PPCDC: variants seen among roughly 807,000 people sequenced by gnomAD.
PPCDC encodes the protein phosphopantothenoylcysteine decarboxylase.
PPCDC carries 20 observed loss-of-function variants against 20.7 expected under a neutral mutation model. That is an observed-to-expected ratio of 0.97 (90% CI 0.68 to 1.41). PPCDC has a LOEUF of 1.41. Among genes scored for constraint, PPCDC ranks in the 40% most tolerant of loss-of-function variants. PPCDC has a pLI of 0.00. For missense variants in PPCDC, 246 were observed against 263.8 expected, an observed-to-expected ratio of 0.93 and a Z score of 0.47; for synonymous variants, 88 against 100.3, an observed-to-expected ratio of 0.88 and a Z score of 0.73.
intron 4 of PPCDC, among the ~76,000 whole-genome samples, chr15:75,045,913 A>C (rs993902611): frequency 9.2e-5 from 14 of 151,824 alleles, no homozygotes; most frequent in Non-Finnish European, 1.9e-4. Flanking sequence ...CTAGTTAAAA[A>C]AAAAAAAAGG....
At chr15:75,028,158 C>T (rs2065979056) in intron 1 of PPCDC, 89 bp from the exon 2 acceptor site, 5 of 957,124 alleles carry the variant, frequency 5.2e-6, no homozygotes, top group East Asian at 5.3e-5. Flanking sequence ...TCCGCTGCCT[C>T]AGCCTCTGGC....
chr15:75,043,348 C>A (rs2066177529), intron 2 of PPCDC, 93 bp from the exon 3 acceptor site: 4 of 1,070,416 alleles, frequency 3.7e-6, no homozygotes, highest in Non-Finnish European at 5.5e-6. Context: ...AAGACAGCAC[C>A]TGCCTGCCCT....
In PPCDC at chr15:75,033,423, G is replaced by T. The variant is rs74023913; in HGVS notation, c.135+4970G>T. Reference sequence around the variant, plus strand: ...GGAGGTGGTTACCCTTGTGAAGGGGGACCAGTGGAGGAAGGGAAACTTGCA... The same window carrying T: ...GGAGGTGGTTACCCTTGTGAAGGGGTACCAGTGGAGGAAGGGAAACTTGCA... On this transcript the variant is annotated intron_variant, in intron 2 of 5. Coordinates refer to ENST00000342932, the MANE Select transcript of PPCDC (RefSeq NM_021823.5). Among the ~76,000 whole-genome samples the T allele has an allele frequency of 0.017, 2,635 of 152,304 alleles. 137 individuals carry two copies. The East Asian group carries it at 0.21, about 12-fold the overall frequency.
At chr15:75,034,539 C>T (rs1045907298) in intron 2 of PPCDC, among the ~76,000 whole-genome samples, 8 of 152,192 alleles carry the variant, frequency 5.3e-5, no homozygotes, top group Non-Finnish European at 1.0e-4. Context: ...ACAGCTCCCG[C>T]GCCTCATGTG....
At chr15:75,025,091 A>C (rs767860762) in intron 1 of PPCDC, among the ~76,000 whole-genome samples, 1 of 151,606 alleles carries the variant, frequency 6.6e-6, no homozygotes, top group Non-Finnish European at 1.5e-5. Context: ...CTAACTTTTA[A>C]ATTTTTTGTA....
At chr15:75,030,000 G>C (rs547226738) in intron 2 of PPCDC, among the ~76,000 whole-genome samples, 1 of 152,254 alleles carries the variant, frequency 6.6e-6, no homozygotes, top group Non-Finnish European at 1.5e-5. Context: ...AGGGTTGCCT[G>C]GAGCAGGGAG....
At chr15:75,036,841 AT>A (rs113883394) in intron 2 of PPCDC, among the ~76,000 whole-genome samples, 43 of 149,298 alleles carry the variant, frequency 2.9e-4, no homozygotes, top group African/African-American at 9.1e-4. Context: ...TTGATTGATT[AT>A]TTTTTTTTTG....
chr15:75,030,831 A>T (rs1461367386), intron 2 of PPCDC, among the ~76,000 whole-genome samples: 1 of 152,164 alleles, frequency 6.6e-6, no homozygotes, highest in East Asian at 1.9e-4. Context: ...GATCTGGCCC[A>T]TCACTGTTCC....
Position 75,048,678 on chromosome 15 carries a change from C to T in PPCDC, c.486C>T (p.Val162=), listed in dbSNP as rs565244134. 9 of 1,614,208 alleles carry T rather than the reference C, an allele frequency of 5.6e-6. No homozygotes were observed. The highest frequency in any genetic ancestry group is 5.3e-5 in the African/African-American group (4 of 75,064). Residue 162 remains valine, a synonymous_variant, in exon 5 of 6, where the codon GTC becomes GTT. Coordinates refer to ENST00000342932, the MANE Select transcript of PPCDC (RefSeq NM_021823.5). ...QVDQLKAFGY[V]EIPCVAKKLV... is the part of the protein sequence containing the mutation. ...ACCAGCTCAAGGCCTTTGGCTATGT[C>T]GAGATCCCCTGTGTGGCCAAGAAGC...
Position 75,048,664 on chromosome 15 carries a change from G to T in PPCDC, c.472G>T (p.Ala158Ser). 6.2e-7 allele frequency: 1 copy of T among 1,614,236 alleles called. No homozygotes were observed. The change falls in exon 5 of 6, where the codon GCC becomes TCC. Residue 158 changes from alanine to serine, a missense_variant. This residue lies in a region of PPCDC where 225 missense variants were observed against 222.6 expected (regional missense o/e 1.01). Coordinates refer to ENST00000342932, the MANE Select transcript of PPCDC (RefSeq NM_021823.5). ...AGCGCAGCAGGTAGACCAGCTCAAG[G>T]CCTTTGGCTATGTCGAGATCCCCTG... ...ITAQQVDQLKAFGYVEIPCVA... is the reference protein window; with the variant it reads ...ITAQQVDQLKSFGYVEIPCVA...
At chr15:75,040,706 C>T (rs760783470) in intron 2 of PPCDC, among the ~76,000 whole-genome samples, 1 of 152,184 alleles carries the variant, frequency 6.6e-6, no homozygotes, top group African/African-American at 2.4e-5. Flanking sequence ...TTCACCCAGG[C>T]TGGAGTGCAG....
intron 1 of PPCDC, among the ~76,000 whole-genome samples, chr15:75,026,272 AG>A (rs1475790182): frequency 6.6e-6 from 1 of 152,196 alleles, no homozygotes; most frequent in Non-Finnish European, 1.5e-5. Flanking sequence ...TGGAGAATAA[AG>A]AATGTGCCTC....
chr15:75,031,267 T>A (rs1259526276), intron 2 of PPCDC, among the ~76,000 whole-genome samples: 2 of 152,122 alleles, frequency 1.3e-5, no homozygotes, highest in Non-Finnish European at 2.9e-5. Flanking sequence ...GGGGGTTTTG[T>A]AGTTCCGTAG....
At chr15:75,045,824 C>T (rs771754355) in intron 4 of PPCDC, among the ~76,000 whole-genome samples, 6 of 150,684 alleles carry the variant, frequency 4.0e-5, no homozygotes, top group African/African-American at 1.2e-4. Context: ...TTCTAGGCTG[C>T]GGTGCCCCTT....
intron 2 of PPCDC, chr15:75,043,177 T>G (rs373564529): frequency 2.6e-6 from 1 of 382,554 alleles, no homozygotes; most frequent in Non-Finnish European, 4.8e-6. Context: ...TGCAGCTTTG[T>G]ATATACGGGC....
chr15:75,033,580 T>A (rs1195002754), intron 2 of PPCDC, among the ~76,000 whole-genome samples: 1 of 152,186 alleles, frequency 6.6e-6, no homozygotes, highest in Admixed American at 6.5e-5. Flanking sequence ...GGGAACATTC[T>A]TGATAAGTTT....
At chr15:75,024,931 A>G (rs1318608535) in intron 1 of PPCDC, among the ~76,000 whole-genome samples, 1 of 147,218 alleles carries the variant, frequency 6.8e-6, no homozygotes, top group African/African-American at 2.5e-5. Flanking sequence ...TTGTGGTACT[A>G]TTATTATATT....
In PPCDC at chr15:75,033,811, C is replaced by T. The variant is rs140668527; in HGVS notation, c.135+5358C>T. Among the ~76,000 whole-genome samples the T allele has an allele frequency of 2.0e-4, 31 of 152,206 alleles. 1 individual carries two copies. The highest frequency in any genetic ancestry group is 5.8e-4 in the African/African-American group (24 of 41,540). ...TCCTCTAGGGACAGAGCTCTGTCGG[C>T]CTCTGGGCAGAGGGTCCCGCACCCC... On this transcript the variant is annotated intron_variant, in intron 2 of 5. Transcript: ENST00000342932.
At chr15:75,044,835 T>C in intron 4 of PPCDC, 1 of 313,248 alleles carries the variant, frequency 3.2e-6, no homozygotes, top group Admixed American at 4.8e-5. Flanking sequence ...GCTGCCTGGG[T>C]GTGCTCTTCC....
Sources: gnomAD v4.1 joint callset for allele counts (sites outside exome capture counted in the v4.1 genomes callset) on GRCh38, gnomAD v4.1.1 for gene constraint, gnomAD v4.1.1 regional missense constraint, MANE v1.5 for transcripts, NCBI Gene and HGNC (gene_info 2026-07-23, HGNC 2026-07-21) for gene names.